Variants in SYMPK observed in about 807,000 individuals in gnomAD.
SYMPK encodes symplekin scaffold protein.
In SYMPK, 49 loss-of-function variants were observed where a neutral mutation model predicts 136.4. That is an observed-to-expected ratio of 0.36 (90% CI 0.29 to 0.46). The LOEUF (loss-of-function observed/expected upper bound fraction) is 0.46. Among genes scored for constraint, SYMPK ranks in the 20% least tolerant of loss-of-function variants. The probability of loss-of-function intolerance (pLI) is 1.00; values close to 1 mark genes in which losing one functional copy is unlikely to be tolerated. For synonymous variants in SYMPK, 766 were observed against 713.0 expected (o/e 1.07, Z -1.19); for missense variants, 1,365 against 1,690.0 (o/e 0.81, Z 3.37).
At chr19:45,861,436 A>C (rs1439697452) in intron 1 of SYMPK, among the ~76,000 whole-genome samples, 1 of 152,130 alleles carries the variant, frequency 6.6e-6, no homozygotes, top group Admixed American at 6.6e-5. Flanking sequence ...TTTCCCTTTC[A>C]TTTACAAAAA....
At chr19:45,841,513 A>C (rs1971435617) in intron 9 of SYMPK, among the ~76,000 whole-genome samples, 1 of 151,106 alleles carries the variant, frequency 6.6e-6, no homozygotes, top group East Asian at 2.0e-4. Context: ...GGCTGGTGTC[A>C]AACTCCTAAC....
chr19:45,834,070 A>G (rs1971245965), intron 11 of SYMPK, among the ~76,000 whole-genome samples: 1 of 152,166 alleles, frequency 6.6e-6, no homozygotes, highest in Non-Finnish European at 1.5e-5. Flanking sequence ...GGTGGATCAC[A>G]AGATCAGGAG....
Position 45,827,600 on chromosome 19 carries a change from G to C in SYMPK, c.2091C>G (p.Ser697=). 1 of 1,614,158 alleles carries C rather than the reference G, an allele frequency of 6.2e-7. No individual in the cohort carries two copies. Among genetic ancestry groups the C allele is most frequent in the Admixed American group, 1.7e-5 (1 of 60,016 alleles). ...GCTTGAAGATCAGGTCTCGAAGTGTGGACATGCCCAGATAGGTGCGACTCT... is the reference window on the plus strand; with the variant it reads ...GCTTGAAGATCAGGTCTCGAAGTGTCGACATGCCCAGATAGGTGCGACTCT... ...EDESRTYLGM[S]TLRDLIFKRP... The change falls in exon 16 of 27, where the codon TCC becomes TCG. Residue 697 remains serine, a synonymous_variant. Transcript: ENST00000245934.
chr19:45,847,671 C>T (rs1971597469), intron 7 of SYMPK, 81 bp downstream of exon 7: 6 of 1,517,220 alleles, frequency 4.0e-6, no homozygotes, highest in Non-Finnish European at 5.3e-6. Flanking sequence ...CCAAAAAAGA[C>T]AAGGGGGAGA....
intron 8 of SYMPK, among the ~76,000 whole-genome samples, chr19:45,843,701 C>G (rs1971496384): frequency 6.6e-6 from 1 of 152,066 alleles, no homozygotes; most frequent in African/African-American, 2.4e-5. Context: ...AATCCCAGCA[C>G]TTTAGGAGGC....
intron 3 of SYMPK, 53 bp downstream of exon 3, chr19:45,854,122 C>T (rs1971760178): frequency 6.4e-7 from 1 of 1,571,810 alleles, no homozygotes; most frequent in Non-Finnish European, 8.8e-7. Context: ...TTCTCAGGTT[C>T]CCAGCCTCCT....
chr19:45,847,801 A>G lies in SYMPK; in HGVS notation c.627T>C (p.His209=). 12 of 1,614,104 alleles carry G rather than the reference A, an allele frequency of 7.4e-6. No homozygotes were observed. The highest frequency in any genetic ancestry group is 1.0e-5 in the Non-Finnish European group (12 of 1,180,002). ...GAGGGATGCGGTCCAGGCTGATATCATGCTCCTGGCGTCGGGGTATCTCTG... is the reference window on the plus strand; with the variant it reads ...GAGGGATGCGGTCCAGGCTGATATCGTGCTCCTGGCGTCGGGGTATCTCTG... The part of the protein sequence containing the change: ...ADSEIPRRQE[H]DISLDRIPRD... Residue 209 remains histidine, a synonymous_variant, in exon 7 of 27, where the codon CAT becomes CAC. Coordinates refer to ENST00000245934, the MANE Select transcript of SYMPK (RefSeq NM_004819.3).
intron 8 of SYMPK, chr19:45,842,805 T>G (rs1314178701): frequency 1.7e-5 from 5 of 299,244 alleles, no homozygotes; most frequent in Admixed American, 4.9e-5. Flanking sequence ...ATCACCACTT[T>G]TGCCTCCAGA....
rs1205171245 is a variant in SYMPK at position 45,821,142 on chromosome 19, C to T, written c.2893+242G>A. 4 of 568,424 alleles carry T rather than the reference C, an allele frequency of 7.0e-6. No homozygotes were observed. Among genetic ancestry groups the T allele is most frequent in the Non-Finnish European group, 9.6e-6 (3 of 311,356 alleles). 35.2% of individuals were successfully genotyped at this position (568,424 alleles called of 1,614,324 possible). A position where few individuals can be genotyped will look rare whatever the true frequency, so the allele number is the denominator to read the frequency against. ...CAGGGCACAGCAGGTACATCAGAGG[C>T]AGAAAAAGGTGGGTTGTAAAGGGTA... On this transcript the variant is annotated intron_variant, in intron 22 of 26. Transcript: ENST00000245934. This position sits in a 1 kb window ranked among gnomAD's most constrained non-coding sequence, Gnocchi z 4.4.
chr19:45,834,941 G>A (rs1175867970), intron 11 of SYMPK, 137 bp downstream of exon 11: 6 of 755,318 alleles, frequency 7.9e-6, no homozygotes, highest in Non-Finnish European at 1.2e-5. Context: ...CCATCTATCT[G>A]TGGTACCTGT....
intron 7 of SYMPK, among the ~76,000 whole-genome samples, chr19:45,845,360 C>A (rs1971535725): frequency 6.6e-6 from 1 of 152,106 alleles, no homozygotes; most frequent in South Asian, 2.1e-4. Context: ...GCCCATTACC[C>A]TTTTCAGCCT....
At chr19:45,861,736 C>CAA (rs34560122) in intron 1 of SYMPK, among the ~76,000 whole-genome samples, 12 of 119,034 alleles carry the variant, frequency 1.0e-4, no homozygotes, top group African/African-American at 2.9e-4. Flanking sequence ...GACTCTGTCT[C>CAA]AAAAAAAAAA....
chr19:45,838,262 G>C (rs1432070218), intron 10 of SYMPK, among the ~76,000 whole-genome samples, 199 bp downstream of exon 10: 1 of 151,930 alleles, frequency 6.6e-6, no homozygotes, highest in East Asian at 1.9e-4. Flanking sequence ...AGCTTCCTGA[G>C]GTTTCCCCAG....
At chr19:45,829,346 C>T (rs1971118333) in intron 13 of SYMPK, 141 bp from the exon 14 acceptor site, 1 of 705,344 alleles carries the variant, frequency 1.4e-6, no homozygotes, top group Non-Finnish European at 2.4e-6. Flanking sequence ...AGCCGAGGAC[C>T]CTTATGCCTA....
intron 7 of SYMPK, among the ~76,000 whole-genome samples, chr19:45,846,040 T>C (rs1236175986): frequency 2.0e-5 from 3 of 152,232 alleles, no homozygotes; most frequent in Non-Finnish European, 4.4e-5. Flanking sequence ...ATCAAGACCA[T>C]CCTGGCTAAC....
chr19:45,816,596 G>C lies in SYMPK; in HGVS notation c.3259-19C>G. ...GAGCTTGCTGGGTGGAGAGCAGGAA[G>C]GGGGCGCTGGGGGCAGCTCTGGCAC... On this transcript the variant is annotated intron_variant, in intron 24 of 26. Transcript: ENST00000245934. The C allele has an allele frequency of 1.2e-6, 2 of 1,612,950 alleles. No individual in the cohort carries two copies. Among genetic ancestry groups the C allele is most frequent in the Non-Finnish European group, 1.7e-6 (2 of 1,179,902 alleles).
chr19:45,835,344 C>A, intron 10 of SYMPK, 116 bp from the exon 11 acceptor site: 1 of 975,044 alleles, frequency 1.0e-6, no homozygotes, highest in Non-Finnish European at 1.5e-6. Flanking sequence ...TGGGCCTGCT[C>A]TCCTGGGGCC....
chr19:45,846,668 T>G (rs1971568101), intron 7 of SYMPK, among the ~76,000 whole-genome samples: 2 of 152,118 alleles, frequency 1.3e-5, no homozygotes, highest in South Asian at 2.1e-4. Flanking sequence ...AATACCTACA[T>G]GTGCACAGGA....
intron 1 of SYMPK, among the ~76,000 whole-genome samples, 180 bp downstream of exon 1, chr19:45,862,878 T>A (rs539144514): frequency 2.0e-5 from 3 of 152,068 alleles, no homozygotes; most frequent in Non-Finnish European, 4.4e-5. Context: ...GGGGGCCACG[T>A]TGGAACTTTG....
Sources: gnomAD v4.1 joint callset for allele counts (sites outside exome capture counted in the v4.1 genomes callset) on GRCh38, gnomAD v4.1.1 for gene constraint, Gnocchi (gnomAD v3.1) non-coding constraint, MANE v1.5 for transcripts, NCBI Gene and HGNC (gene_info 2026-07-23, HGNC 2026-07-21) for gene names.